NCAM2: variants seen among roughly 807,000 people sequenced by gnomAD.
NCAM2 encodes the protein neural cell adhesion molecule 2, also known as N-CAM-2.
NCAM2 carries 30 observed loss-of-function variants against 98.1 expected under a neutral mutation model. The ratio of observed to expected loss-of-function variants is 0.31; its 90% CI spans 0.23 to 0.41. The LOEUF (loss-of-function observed/expected upper bound fraction) is 0.41, where lower values mean the gene tolerates loss of function less well. Ranked by LOEUF, NCAM2 falls within the 10% of genes least tolerant of loss-of-function variation. The pLI, the probability that NCAM2 is intolerant of heterozygous loss-of-function variation, is 1.00. For synonymous variants in NCAM2, 368 were observed against 342.4 expected, an observed-to-expected ratio of 1.07 and a Z score of -0.83; for missense variants, 867 against 1,005.8, an observed-to-expected ratio of 0.86 and a Z score of 1.87.
At chr21:21,473,632 C>T (rs932632179) in intron 14 of NCAM2, among the ~76,000 whole-genome samples, 24 of 151,574 alleles carry the variant, frequency 1.6e-4, no homozygotes, top group Non-Finnish European at 1.8e-4. Flanking sequence ...TCTCTATTGT[C>T]CTCTCATTTT....
intron 12 of NCAM2, among the ~76,000 whole-genome samples, chr21:21,441,706 A>G (rs1426146567): frequency 6.6e-6 from 1 of 152,166 alleles, no homozygotes; most frequent in Admixed American, 6.6e-5. Flanking sequence ...GTGATTTTTC[A>G]GCAGAGACTG....
intron 1 of NCAM2, among the ~76,000 whole-genome samples, chr21:21,246,059 G>A (rs1399903641): frequency 1.3e-5 from 2 of 152,170 alleles, no homozygotes; most frequent in Admixed American, 6.5e-5. Context: ...TAAAATGACA[G>A]CGTACTACTT....
chr21:21,018,174 C>T (rs1020637007), intron 1 of NCAM2, among the ~76,000 whole-genome samples: 2 of 152,210 alleles, frequency 1.3e-5, no homozygotes, highest in African/African-American at 4.8e-5. Flanking sequence ...ACAATATCTG[C>T]TGTCTCCTTG....
chr21:21,363,401 T>C (rs2075698074), intron 8 of NCAM2, among the ~76,000 whole-genome samples: 1 of 152,118 alleles, frequency 6.6e-6, no homozygotes, highest in Non-Finnish European at 1.5e-5. Context: ...TCATACAATT[T>C]GCCTCAATTT....
At chr21:21,432,005 G>A in intron 11 of NCAM2, 103 bp from the exon 12 acceptor site, 5 of 934,844 alleles carry the variant, frequency 5.3e-6, no homozygotes, top group East Asian at 2.6e-5. Context: ...AGTGATACAG[G>A]TAGCAGTTTT....
intron 1 of NCAM2, among the ~76,000 whole-genome samples, chr21:21,120,445 G>A (rs1029266453): frequency 1.3e-5 from 2 of 152,110 alleles, no homozygotes; most frequent in African/African-American, 4.8e-5. Context: ...GTGAGTTAGT[G>A]TATGTATGTG....
rs1990111521 is a variant in NCAM2 at position 21,538,702 on chromosome 21, AGT to A, written c.*748_*749del. 6.6e-6 allele frequency: 1 copy of A among 152,174 alleles called. No homozygotes were observed. 9.4% of individuals were successfully genotyped at this position (152,174 alleles called of 1,614,324 possible). On this transcript the variant is annotated 3_prime_UTR_variant, in exon 18 of 18. Coordinates refer to ENST00000400546, the MANE Select transcript of NCAM2 (RefSeq NM_004540.5). ...ATTCACAATGGATTATACAAAAAAAAGTGTATTGCAAGTGAAATAATATTGAT... is the reference window on the plus strand; with the variant it reads ...ATTCACAATGGATTATACAAAAAAAAGTATTGCAAGTGAAATAATATTGAT...
intron 1 of NCAM2, among the ~76,000 whole-genome samples, chr21:21,027,846 A>G (rs8134040): frequency 6.6e-6 from 1 of 151,206 alleles, no homozygotes; most frequent in African/African-American, 2.4e-5. Flanking sequence ...CTGAATTATA[A>G]TTGTTTCTTA....
chr21:21,127,503 A>G (rs2066851435), intron 1 of NCAM2, among the ~76,000 whole-genome samples: 1 of 151,998 alleles, frequency 6.6e-6, no homozygotes, highest in Non-Finnish European at 1.5e-5. Flanking sequence ...AATCTACTAT[A>G]ATTTCTCTGT....
chr21:21,512,924 C>G (rs145014953), intron 16 of NCAM2, among the ~76,000 whole-genome samples: 1 of 151,864 alleles, frequency 6.6e-6, no homozygotes, highest in East Asian at 1.9e-4. Flanking sequence ...GATTATTGTA[C>G]GTTGATTTTT....
Position 21,019,905 on chromosome 21 carries a change from G to A in NCAM2, c.55+21287G>A, listed in dbSNP as rs957827968. On this transcript the variant is annotated intron_variant, in intron 1 of 17. Coordinates refer to ENST00000400546, the MANE Select transcript of NCAM2 (RefSeq NM_004540.5). ...TTCTCTGTGTTAGCTGGGTGCTGTC[G>A]TGGTGCAGGGCTTCATAGATGAGTC... 6.6e-5 allele frequency among the ~76,000 whole-genome samples: 10 copies of A among 152,272 alleles called. No individual in the cohort carries two copies. The South Asian group carries it at 1.2e-3, about 19-fold the overall frequency.
chr21:21,406,760 A>G (rs542524407), intron 9 of NCAM2, among the ~76,000 whole-genome samples: 1 of 152,278 alleles, frequency 6.6e-6, no homozygotes, highest in South Asian at 2.1e-4. Flanking sequence ...TTGGACTTTG[A>G]TAAGATTGAT....
chr21:21,193,700 T>C (rs1755151954), intron 1 of NCAM2, among the ~76,000 whole-genome samples: 1 of 152,038 alleles, frequency 6.6e-6, no homozygotes, highest in Non-Finnish European at 1.5e-5. Flanking sequence ...TTCACCATGT[T>C]GGCCAGGATG....
chr21:21,063,193 C>CTGT (rs2065356763), intron 1 of NCAM2, among the ~76,000 whole-genome samples: 1 of 141,764 alleles, frequency 7.1e-6, no homozygotes, highest in African/African-American at 2.6e-5. Context: ...AGTCATAGCA[C>CTGT]TGTTTATCTT....
At chr21:21,248,433 T>A (rs893412036) in intron 1 of NCAM2, among the ~76,000 whole-genome samples, 1 of 152,010 alleles carries the variant, frequency 6.6e-6, no homozygotes, top group Non-Finnish European at 1.5e-5. Flanking sequence ...TTAAAAAAAA[T>A]TCCTTGAAAC....
At chr21:21,174,174 C>G (rs1220852369) in intron 1 of NCAM2, among the ~76,000 whole-genome samples, 1 of 152,166 alleles carries the variant, frequency 6.6e-6, no homozygotes, top group African/African-American at 2.4e-5. Flanking sequence ...CTGCCTGCTT[C>G]AGCCTCCCCA....
At chr21:21,385,586 A>T (rs1409423546) in intron 9 of NCAM2, 2 of 1,258,436 alleles carry the variant, frequency 1.6e-6, no homozygotes, top group Non-Finnish European at 2.1e-6. Flanking sequence ...TTTGCTCAAA[A>T]CCTCTTTTGT....
At chr21:21,537,594 TA>T (rs1990049796) in intron 17 of NCAM2, among the ~76,000 whole-genome samples, 2 of 151,684 alleles carry the variant, frequency 1.3e-5, no homozygotes, top group Non-Finnish European at 2.9e-5. Flanking sequence ...ATTACATTTT[TA>T]AAAGGCCAAG....
chr21:21,202,679 G>C (rs139866986), intron 1 of NCAM2, among the ~76,000 whole-genome samples: 2 of 151,992 alleles, frequency 1.3e-5, no homozygotes, highest in African/African-American at 2.4e-5. Flanking sequence ...GCCTCCCAAA[G>C]TGCTGGGATT....
Sources: gnomAD v4.1 joint callset for allele counts (sites outside exome capture counted in the v4.1 genomes callset) on GRCh38, gnomAD v4.1.1 for gene constraint, MANE v1.5 for transcripts, NCBI Gene and HGNC (gene_info 2026-07-23, HGNC 2026-07-21) for gene names.